Variants in SETBP1 observed in about 807,000 individuals in gnomAD.
SETBP1 encodes SET binding protein 1.
Under a neutral mutation model 101.0 loss-of-function variants are expected in SETBP1, and 9 were observed. That is an observed-to-expected ratio of 0.09 (90% CI 0.05 to 0.16). The LOEUF (loss-of-function observed/expected upper bound fraction) is 0.16, where lower values mean the gene tolerates loss of function less well. SETBP1 is among the 10% of genes least tolerant of loss of function. SETBP1 has a pLI of 1.00. For missense variants in SETBP1, 1,858 were observed against 2,033.8 expected, an observed-to-expected ratio of 0.91 and a Z score of 1.66; for synonymous variants, 818 against 788.5, an observed-to-expected ratio of 1.04 and a Z score of -0.63.
intron 3 of SETBP1, among the ~76,000 whole-genome samples, chr18:44,905,853 G>A (rs1365857043): frequency 6.6e-6 from 1 of 152,300 alleles, no homozygotes. Context: ...CATAATTGGA[G>A]GAAGCCACCT....
intron 3 of SETBP1, among the ~76,000 whole-genome samples, chr18:44,907,172 G>T (rs1179840420): frequency 6.6e-6 from 1 of 152,124 alleles, no homozygotes; most frequent in Non-Finnish European, 1.5e-5. Flanking sequence ...CATGCTGTAG[G>T]ATGTATTGAT....
At chr18:44,710,209 A>C (rs993910924) in intron 2 of SETBP1, among the ~76,000 whole-genome samples, 1 of 152,126 alleles carries the variant, frequency 6.6e-6, no homozygotes, top group African/African-American at 2.4e-5. Flanking sequence ...TGCAAGTTTA[A>C]GTTAAAAACA....
chr18:44,799,224 T>C (rs112232431), intron 2 of SETBP1, among the ~76,000 whole-genome samples: 3 of 152,312 alleles, frequency 2.0e-5, no homozygotes, highest in African/African-American at 7.2e-5. Flanking sequence ...ATAGCTTTAA[T>C]AGACAGGTGA....
rs528905685 is a variant in SETBP1, at chr18:44,760,840, TGAGA to T, written c.486+59009_486+59012del. Among the ~76,000 whole-genome samples, 96 of 152,324 alleles carry T rather than the reference TGAGA, an allele frequency of 6.3e-4. 1 individual carries two copies. The highest frequency in any genetic ancestry group is 2.2e-3 in the African/African-American group (92 of 41,580). On this transcript the variant is annotated intron_variant, in intron 2 of 5. Transcript: ENST00000649279. ...GATTTCCACCATGCCATCTTCAGTT[TGAGA>T]AATAAAGGACATACAAAAAGAAGGA...
chr18:44,748,890 G>A (rs2070322333), intron 2 of SETBP1, among the ~76,000 whole-genome samples: 1 of 152,182 alleles, frequency 6.6e-6, no homozygotes, highest in African/African-American at 2.4e-5. Flanking sequence ...TTGACTCGCA[G>A]ACAGGTGAAG....
Position 44,905,951 on chromosome 18 carries a change from C to T in SETBP1, c.540+36668C>T, listed in dbSNP as rs571163226. On this transcript the variant is annotated intron_variant, in intron 3 of 5. Coordinates refer to ENST00000649279, the MANE Select transcript of SETBP1 (RefSeq NM_015559.3). The stretch of plus-strand genomic sequence containing the variant: ...TGGCTCAGGATTTTACCTCCACAAC[C>T]TTTTAGCCACTCATCCCTTACCATA... Among the ~76,000 whole-genome samples the T allele has an allele frequency of 4.6e-5, 7 of 152,298 alleles. 1 individual carries two copies. The South Asian group carries it at 8.3e-4, about 18-fold the overall frequency.
rs1007106606 is a variant in SETBP1, at chr18:44,703,314, C to T, written c.486+1482C>T. On this transcript the variant is annotated intron_variant, in intron 2 of 5. Transcript: ENST00000649279. ...GAATGAACTTCTTTTCTTTATAGCC[C>T]GAAGATATTCCATAGCATTTCTGTT... 3.8e-5 allele frequency among the ~76,000 whole-genome samples: 5 copies of T among 132,046 alleles called. No homozygotes were observed. In the East Asian group the frequency reaches 7.2e-4, roughly 19 times the overall value. 86.6% of individuals were successfully genotyped at this position (132,046 alleles called of 152,430 possible). A position where few individuals can be genotyped will look rare whatever the true frequency, so the allele number is the denominator to read the frequency against.
At chr18:44,882,810 T>TGC (rs2069560354) in intron 3 of SETBP1, among the ~76,000 whole-genome samples, 1 of 152,172 alleles carries the variant, frequency 6.6e-6, no homozygotes, top group Non-Finnish European at 1.5e-5. Context: ...TCATTTATTC[T>TGC]AGGCGGGGGT....
intron 4 of SETBP1, among the ~76,000 whole-genome samples, chr18:45,017,258 A>G (rs997737646): frequency 2.0e-5 from 3 of 152,168 alleles, no homozygotes; most frequent in East Asian, 3.9e-4. Context: ...GAAGGAGTGG[A>G]AGGAGGATGA....
chr18:44,835,395 G>C (rs2144490080), intron 2 of SETBP1, among the ~76,000 whole-genome samples: 2 of 152,204 alleles, frequency 1.3e-5, no homozygotes, highest in South Asian at 4.2e-4. Context: ...CCTGCCCTCA[G>C]CTTTTTCCCA....
chr18:45,032,413 A>G (rs2073315482), intron 4 of SETBP1, among the ~76,000 whole-genome samples: 1 of 152,196 alleles, frequency 6.6e-6, no homozygotes, highest in Non-Finnish European at 1.5e-5. Context: ...TAAATTCCAA[A>G]TGATTTATTC....
chr18:44,817,624 G>A (rs1376189268), intron 2 of SETBP1, among the ~76,000 whole-genome samples: 1 of 151,102 alleles, frequency 6.6e-6, no homozygotes, highest in Admixed American at 6.6e-5. Flanking sequence ...GGCAGAGCTT[G>A]CAGTGAGCTG....
At chr18:44,821,550 C>T in intron 2 of SETBP1, among the ~76,000 whole-genome samples, 1 of 152,208 alleles carries the variant, frequency 6.6e-6, no homozygotes, top group Admixed American at 6.5e-5. Flanking sequence ...TTTAGGCATC[C>T]TTCTAACAGA....
At chr18:44,808,751 A>G (rs1213056664) in intron 2 of SETBP1, among the ~76,000 whole-genome samples, 1 of 152,152 alleles carries the variant, frequency 6.6e-6, no homozygotes, top group African/African-American at 2.4e-5. Context: ...GCTGACCCTA[A>G]GCATTTGCTG....
intron 4 of SETBP1, among the ~76,000 whole-genome samples, chr18:44,985,200 G>T (rs1303788551): frequency 1.3e-5 from 2 of 152,042 alleles, no homozygotes; most frequent in African/African-American, 4.8e-5. Context: ...GTGCTTTCAG[G>T]TTACAAATGT....
intron 4 of SETBP1, among the ~76,000 whole-genome samples, chr18:44,998,115 G>T (rs192480440): frequency 1.8e-3 from 280 of 152,300 alleles, no homozygotes; most frequent in Non-Finnish European, 2.9e-3. Flanking sequence ...ACAGTTCTTT[G>T]GGGCTTTTAA....
At chr18:45,061,828 C>A (rs950856082) in intron 5 of SETBP1, among the ~76,000 whole-genome samples, 3 of 152,160 alleles carry the variant, frequency 2.0e-5, no homozygotes, top group African/African-American at 7.2e-5. Flanking sequence ...AACAACAAAC[C>A]AAAATGATAA....
chr18:44,984,308 G>A (rs1049222419), intron 4 of SETBP1, among the ~76,000 whole-genome samples: 3 of 152,156 alleles, frequency 2.0e-5, no homozygotes, highest in Admixed American at 6.5e-5. Flanking sequence ...AGTGGGGTGC[G>A]GAGAAGGGAG....
At chr18:44,727,493 G>T (rs1339217161) in intron 2 of SETBP1, among the ~76,000 whole-genome samples, 1 of 152,160 alleles carries the variant, frequency 6.6e-6, no homozygotes, top group East Asian at 1.9e-4. Flanking sequence ...AGTGTGGGGG[G>T]ATGGACAGTA....
Sources: allele counts gnomAD v4.1 joint callset (sites outside exome capture counted in the v4.1 genomes callset), GRCh38; gene constraint gnomAD v4.1.1; transcripts MANE v1.5; gene names NCBI Gene and HGNC (gene_info 2026-07-23, HGNC 2026-07-21).